Variants in ATG4C observed in about 807,000 individuals in gnomAD.
ATG4C encodes the protein autophagy related 4C cysteine peptidase, also known as cysteine protease ATG4C.
In ATG4C, 56 loss-of-function variants were observed where a neutral mutation model predicts 57.6. The observed-to-expected ratio is 0.97, with a 90% CI of 0.78 to 1.21. The LOEUF is 1.21. Among genes scored for constraint, ATG4C ranks in the 50% most tolerant of loss-of-function variants. The probability of loss-of-function intolerance (pLI) is 0.00; values close to 1 mark genes in which losing one functional copy is unlikely to be tolerated. For missense variants in ATG4C, 595 were observed against 529.8 expected (o/e 1.12, Z -1.21); for synonymous variants, 157 against 174.1 (o/e 0.90, Z 0.78).
chr1:62,819,994 A>C (rs1053103945), intron 5 of ATG4C, among the ~76,000 whole-genome samples: 3 of 152,068 alleles, frequency 2.0e-5, no homozygotes, highest in Admixed American at 1.3e-4. Flanking sequence ...TATTTCATAT[A>C]AGTATAGCAT....
chr1:62,844,837 A>T (rs534579455), intron 10 of ATG4C, among the ~76,000 whole-genome samples: 51 of 152,116 alleles, frequency 3.4e-4, no homozygotes, highest in African/African-American at 1.2e-3. Context: ...ATATAAAGAG[A>T]TATATATTCA....
intron 7 of ATG4C, among the ~76,000 whole-genome samples, chr1:62,830,360 G>A (rs945005030): frequency 6.6e-6 from 1 of 151,970 alleles, no homozygotes; most frequent in Non-Finnish European, 1.5e-5. Flanking sequence ...TCTCTAGGTG[G>A]GTTCTAATCA....
chr1:62,856,379 CTG>C (rs1666683224), intron 10 of ATG4C, among the ~76,000 whole-genome samples: 1 of 152,136 alleles, frequency 6.6e-6, no homozygotes, highest in South Asian at 2.1e-4. Flanking sequence ...AGATAAATGA[CTG>C]TACAATTAAA....
Position 62,864,194 on chromosome 1 carries a change from C to T in ATG4C, c.*35C>T. 3.9e-6 allele frequency: 6 copies of T among 1,529,700 alleles called. No homozygotes were observed. The highest frequency in any genetic ancestry group is 5.3e-6 in the Non-Finnish European group (6 of 1,139,810). The allele number at this position is 1,529,700 out of a possible 1,614,324, so 94.8% of individuals were successfully genotyped here. A position where few individuals can be genotyped will look rare whatever the true frequency, so the allele number is the denominator to read the frequency against. ...CATTTGTGCTTGATAAGAAGAATTCCATTGAAAGGGGAAAAATGAAGAGAA... is the reference window on the plus strand; with the variant it reads ...CATTTGTGCTTGATAAGAAGAATTCTATTGAAAGGGGAAAAATGAAGAGAA... On this transcript the variant is annotated 3_prime_UTR_variant, in exon 11 of 11. Coordinates refer to ENST00000317868, the MANE Select transcript of ATG4C (RefSeq NM_032852.4).
At chr1:62,827,545 A>G (rs898853566) in intron 6 of ATG4C, among the ~76,000 whole-genome samples, 3 of 152,142 alleles carry the variant, frequency 2.0e-5, no homozygotes, top group Admixed American at 1.3e-4. Context: ...ATTAGCATGC[A>G]TGCTCAAGAA....
chr1:62,837,813 G>A (rs191954795), intron 9 of ATG4C, among the ~76,000 whole-genome samples: 1 of 152,206 alleles, frequency 6.6e-6, no homozygotes, highest in East Asian at 1.9e-4. Flanking sequence ...GTGGAGGATA[G>A]GGTCTTGCTC....
At chr1:62,823,097 G>A (rs552566349) in intron 6 of ATG4C, among the ~76,000 whole-genome samples, 5 of 152,324 alleles carry the variant, frequency 3.3e-5, no homozygotes, top group African/African-American at 4.8e-5. Flanking sequence ...CGGAGTTGCA[G>A]TGAACTGATA....
intron 3 of ATG4C, among the ~76,000 whole-genome samples, chr1:62,807,719 A>T (rs545696289): frequency 6.6e-6 from 1 of 152,220 alleles, no homozygotes; most frequent in East Asian, 1.9e-4. Context: ...GTACCTTTTC[A>T]TCTGTATTCT....
rs141047013 is a variant in ATG4C at position 62,835,001 on chromosome 1, A to C, written c.1089+149A>C. 1.5e-3 allele frequency: 924 copies of C among 608,544 alleles called. 9 individuals carry two copies. The East Asian group carries it at 0.025, about 17-fold the overall frequency. 37.7% of individuals were successfully genotyped at this position (608,544 alleles called of 1,614,324 possible). A position where few individuals can be genotyped will look rare whatever the true frequency, so the allele number is the denominator to read the frequency against. On this transcript the variant is annotated intron_variant, in intron 9 of 10. Transcript: ENST00000317868. ...TGATCTATAGAACCATAATTAACAC[A>C]GTGGTCAAAGGTTAAGTACTTTGTT...
chr1:62,826,603 T>C (rs983629559), intron 6 of ATG4C, among the ~76,000 whole-genome samples: 1 of 151,868 alleles, frequency 6.6e-6, no homozygotes, highest in Non-Finnish European at 1.5e-5. Flanking sequence ...TTCTTTCTTT[T>C]TTTTTTTAAT....
intron 10 of ATG4C, among the ~76,000 whole-genome samples, chr1:62,844,984 A>T (rs1421936011): frequency 6.6e-6 from 1 of 151,872 alleles, no homozygotes; most frequent in Non-Finnish European, 1.5e-5. Flanking sequence ...TCTTTCTTTG[A>T]TGGTCATCTG....
intron 10 of ATG4C, among the ~76,000 whole-genome samples, chr1:62,842,887 C>G (rs1428568345): frequency 1.3e-5 from 2 of 152,040 alleles, no homozygotes; most frequent in East Asian, 1.9e-4. Flanking sequence ...CATTTTTCCT[C>G]CTATTACTGG....
At chr1:62,786,906 C>G (rs1391111700) in intron 1 of ATG4C, among the ~76,000 whole-genome samples, 1 of 151,804 alleles carries the variant, frequency 6.6e-6, no homozygotes, top group African/African-American at 2.4e-5. Flanking sequence ...TTGGAGTGGC[C>G]CAATTGAGAG....
At chr1:62,795,093 G>T (rs902254074) in intron 1 of ATG4C, among the ~76,000 whole-genome samples, 1 of 152,164 alleles carries the variant, frequency 6.6e-6, no homozygotes, top group African/African-American at 2.4e-5. Flanking sequence ...CTGAGCATTC[G>T]CAAATTCCAG....
In ATG4C at chr1:62,858,910, A is replaced by G. The variant is rs1165502012; in HGVS notation, c.1210-5082A>G. ...TGAGCTCTTGTAACAAAAAACAGGA[A>G]TATATTTTTCCATGTATACTCTTTT... On this transcript the variant is annotated intron_variant, in intron 10 of 10. Transcript: ENST00000317868. Among the ~76,000 whole-genome samples the G allele has an allele frequency of 2.0e-5, 3 of 152,174 alleles. No homozygotes were observed. The East Asian group carries it at 5.8e-4, about 29-fold the overall frequency.
intron 2 of ATG4C, among the ~76,000 whole-genome samples, chr1:62,804,710 G>A (rs1231031121): frequency 1.3e-5 from 2 of 152,034 alleles, no homozygotes; most frequent in Non-Finnish European, 2.9e-5. Flanking sequence ...CACCTAAGAT[G>A]GAGAAGTACT....
Position 62,816,689 on chromosome 1 carries a change from G to C in ATG4C, c.275G>C (p.Arg92Thr), listed in dbSNP as rs151269621. The C allele has an allele frequency of 6.2e-7, 1 of 1,613,856 alleles. No individual in the cohort carries two copies. The highest frequency in any genetic ancestry group is 8.5e-7 in the Non-Finnish European group (1 of 1,179,864). The change falls in exon 4 of 11, where the codon AGG (arginine) becomes ACG (threonine). Residue 92 changes from arginine to threonine, a missense_variant. Transcript: ENST00000317868. ...DFISRIWLTY[R>T]EEFPQIEGSA... Reference sequence around the variant, plus strand: ...ATTTCTAGAATATGGCTGACCTACAGGGAAGAATTCCCTCAAATAGAAGGC... The same window carrying C: ...ATTTCTAGAATATGGCTGACCTACACGGAAGAATTCCCTCAAATAGAAGGC...
At position 62,819,066 on chromosome 1, in the gene ATG4C, C is replaced by A; in HGVS notation, c.456C>A (p.His152Gln). The A allele has an allele frequency of 1.9e-6, 3 of 1,605,686 alleles. No individual in the cohort carries two copies. The South Asian group carries it at 3.4e-5, about 18-fold the overall frequency. ...CAGACTCTGAATCATGGACTTCCCA[C>A]ACTGTCAAAAAATTTACTGCATCAT... ...ENSDSESWTSHTVKKFTASFE... is the reference protein window; with the variant it reads ...ENSDSESWTSQTVKKFTASFE... Residue 152 changes from histidine (H) to glutamine (Q), a missense_variant, in exon 5 of 11, where the codon CAC (histidine) becomes CAA (glutamine). His to Gln is a conservative substitution (Grantham distance 24). Coordinates refer to ENST00000317868, the MANE Select transcript of ATG4C (RefSeq NM_032852.4).
At chr1:62,841,337 G>C (rs967926015) in intron 9 of ATG4C, 91 bp from the exon 10 acceptor site, 4 of 1,149,610 alleles carry the variant, frequency 3.5e-6, no homozygotes, top group Non-Finnish European at 4.8e-6. Context: ...ATAGTGATGG[G>C]AAAAAGCTAG....
Sources: allele counts gnomAD v4.1 joint callset (sites outside exome capture counted in the v4.1 genomes callset), GRCh38; gene constraint gnomAD v4.1.1; transcripts MANE v1.5; gene names NCBI Gene and HGNC (gene_info 2026-07-23, HGNC 2026-07-21).